KLHL1: variants seen among roughly 807,000 people sequenced by gnomAD.
KLHL1 encodes kelch like family member 1.
In KLHL1, 47 loss-of-function variants were observed where a neutral mutation model predicts 77.7. The ratio of observed to expected loss-of-function variants is 0.60; its 90% confidence interval spans 0.48 to 0.77. The LOEUF is 0.77. KLHL1 is among the 30% of genes least tolerant of loss of function. KLHL1 has a pLI of 0.00. For synonymous variants in KLHL1, 360 were observed against 325.2 expected (o/e 1.11, Z -1.15); for missense variants, 925 against 910.8 (o/e 1.02, Z -0.20).
At chr13:69,718,691 G>T (rs1331706943) in intron 9 of KLHL1, among the ~76,000 whole-genome samples, 1 of 152,030 alleles carries the variant, frequency 6.6e-6, no homozygotes, top group Non-Finnish European at 1.5e-5. Context: ...GTAACGCACA[G>T]CCCAAAGAGA....
chr13:69,999,345 A>T (rs962356749), intron 1 of KLHL1, among the ~76,000 whole-genome samples: 1 of 152,034 alleles, frequency 6.6e-6, no homozygotes, highest in African/African-American at 2.4e-5. Flanking sequence ...CTTCATGAGA[A>T]GATCCCAATG....
At chr13:69,930,200 T>C (rs929982461) in intron 4 of KLHL1, among the ~76,000 whole-genome samples, 2 of 151,794 alleles carry the variant, frequency 1.3e-5, no homozygotes, top group Non-Finnish European at 3.0e-5. Context: ...ATGAGATAAA[T>C]TAAGGTAATA....
chr13:69,962,688 A>T (rs560849604), intron 2 of KLHL1, among the ~76,000 whole-genome samples: 1 of 152,124 alleles, frequency 6.6e-6, no homozygotes, highest in African/African-American at 2.4e-5. Context: ...TAGAATGAAA[A>T]AAATTATGAT....
At chr13:69,783,244 C>A (rs1876326111) in intron 7 of KLHL1, among the ~76,000 whole-genome samples, 1 of 152,088 alleles carries the variant, frequency 6.6e-6, no homozygotes, top group African/African-American at 2.4e-5. Flanking sequence ...AGCAGAAAAC[C>A]TGGAAACTCT....
intron 5 of KLHL1, among the ~76,000 whole-genome samples, chr13:69,859,258 CTTT>C (rs34612932): frequency 1.4e-5 from 2 of 143,522 alleles, no homozygotes; most frequent in Non-Finnish European, 3.0e-5. Context: ...CCATTTTGCA[CTTT>C]TTTTTTTTTT....
intron 10 of KLHL1, among the ~76,000 whole-genome samples, chr13:69,707,424 C>G (rs900843587): frequency 1.4e-4 from 22 of 151,894 alleles, no homozygotes; most frequent in African/African-American, 5.3e-4. Flanking sequence ...TTTTAATATA[C>G]ATTTTATTGG....
intron 1 of KLHL1, among the ~76,000 whole-genome samples, chr13:70,085,464 A>T (rs2137435101): frequency 6.6e-6 from 1 of 152,312 alleles, no homozygotes; most frequent in East Asian, 1.9e-4. Context: ...ATGAACAAAG[A>T]TTGCCACAGA....
At chr13:70,065,035 G>C (rs1329141991) in intron 1 of KLHL1, among the ~76,000 whole-genome samples, 1 of 152,098 alleles carries the variant, frequency 6.6e-6, no homozygotes, top group Non-Finnish European at 1.5e-5. Context: ...AGGATAGAGA[G>C]GGTGATTTTG....
chr13:70,075,157 T>C (rs1222492825), intron 1 of KLHL1, among the ~76,000 whole-genome samples: 1 of 151,922 alleles, frequency 6.6e-6, no homozygotes, highest in East Asian at 1.9e-4. Context: ...GAGACTTAAA[T>C]ACTCTCTTCA....
intron 4 of KLHL1, among the ~76,000 whole-genome samples, chr13:69,923,060 T>C (rs1322458092): frequency 1.3e-5 from 2 of 152,158 alleles, no homozygotes; most frequent in African/African-American, 4.8e-5. Context: ...AATGCAACCC[T>C]CTCTGTTCTT....
chr13:69,928,259 A>G (rs554594574), intron 4 of KLHL1, among the ~76,000 whole-genome samples: 2 of 152,318 alleles, frequency 1.3e-5, no homozygotes, highest in East Asian at 3.9e-4. Flanking sequence ...TCCTTGTTCC[A>G]TAACTTCACC....
intron 7 of KLHL1, among the ~76,000 whole-genome samples, chr13:69,769,736 C>A (rs1875473662): frequency 1.3e-5 from 2 of 152,082 alleles, no homozygotes; most frequent in South Asian, 2.1e-4. Context: ...GAGGGCTGCC[C>A]ACTTCAGGTC....
chr13:70,102,828 T>G (rs562036580), intron 1 of KLHL1, among the ~76,000 whole-genome samples: 2 of 152,320 alleles, frequency 1.3e-5, no homozygotes, highest in African/African-American at 4.8e-5. Context: ...AAAAAGCAAG[T>G]TTTTAATCAA....
At position 69,882,425 on chromosome 13, in the gene KLHL1, A is replaced by G. The variant is rs746466029; in HGVS notation, c.1085T>C (p.Leu362Pro). 6.2e-7 allele frequency: 1 copy of G among 1,613,790 alleles called. No homozygotes were observed. The highest frequency in any genetic ancestry group is 1.3e-5 in the African/African-American group (1 of 74,922). Reference protein sequence around the residue: ...LLPAEELHKLLASDDVNVPDE... With the variant: ...LLPAEELHKLPASDDVNVPDE... ...AGGAACATTGACATCATCACTGGCCAGTAGTTTATGGAGCTCCTCAGCTGG... is the reference window on the plus strand; with the variant it reads ...AGGAACATTGACATCATCACTGGCCGGTAGTTTATGGAGCTCCTCAGCTGG... The change falls in exon 5 of 11, where the codon CTG becomes CCG. Residue 362 changes from leucine to proline, a missense_variant. Transcript: ENST00000377844.
intron 7 of KLHL1, among the ~76,000 whole-genome samples, chr13:69,759,720 AGG>A (rs1874931870): frequency 6.6e-6 from 1 of 152,214 alleles, no homozygotes; most frequent in Non-Finnish European, 1.5e-5. Flanking sequence ...GCATTTCTAC[AGG>A]GATGACTTTT....
At chr13:70,077,747 T>C (rs984374940) in intron 1 of KLHL1, among the ~76,000 whole-genome samples, 3 of 152,002 alleles carry the variant, frequency 2.0e-5, no homozygotes, top group Non-Finnish European at 4.4e-5. Context: ...ATCTAACTGC[T>C]TTTAAAAATG....
chr13:70,056,048 A>G (rs1207503548), intron 1 of KLHL1, among the ~76,000 whole-genome samples: 2 of 152,050 alleles, frequency 1.3e-5, no homozygotes, highest in African/African-American at 4.8e-5. Flanking sequence ...TAAAAAACAG[A>G]CAATCAAACA....
At chr13:70,023,440 C>G (rs1011651472) in intron 1 of KLHL1, among the ~76,000 whole-genome samples, 10 of 151,970 alleles carry the variant, frequency 6.6e-5, no homozygotes, top group African/African-American at 2.4e-4. Flanking sequence ...AATGTATTAT[C>G]AATACTATTT....
At position 69,804,744 on chromosome 13, in the gene KLHL1, C is replaced by T. The variant is rs527522875; in HGVS notation, c.1415-7782G>A. 2.0e-5 allele frequency among the ~76,000 whole-genome samples: 3 copies of T among 152,212 alleles called. No homozygotes were observed. In the South Asian group the frequency reaches 6.2e-4, roughly 32 times the overall value. ...AAACAACAGCAACAAACGATAAAAT[C>T]CATATTATATAATACCTAAAGGACA... On this transcript the variant is annotated intron_variant, in intron 6 of 10. Coordinates refer to ENST00000377844, the MANE Select transcript of KLHL1 (RefSeq NM_020866.3).
Sources: allele counts gnomAD v4.1 joint callset (sites outside exome capture counted in the v4.1 genomes callset), GRCh38; gene constraint gnomAD v4.1.1; transcripts MANE v1.5; gene names NCBI Gene and HGNC (gene_info 2026-07-23, HGNC 2026-07-21).